OSBPL1A: variants seen among roughly 807,000 people sequenced by gnomAD.
OSBPL1A encodes oxysterol-binding protein-related protein 1.
A neutral mutation model predicts 137.1 loss-of-function variants in OSBPL1A; 80 were observed. The observed-to-expected ratio is 0.58, with a 90% CI of 0.49 to 0.70. OSBPL1A has a LOEUF of 0.70. Ranked by LOEUF, OSBPL1A falls within the 30% of genes least tolerant of loss-of-function variation. OSBPL1A has a pLI of 0.00. For synonymous variants in OSBPL1A, 365 were observed against 389.7 expected (o/e 0.94, Z 0.75); for missense variants, 970 against 1,129.4 (o/e 0.86, Z 2.02).
intron 14 of OSBPL1A, among the ~76,000 whole-genome samples, chr18:24,297,201 G>GT (rs544787607): frequency 6.6e-6 from 1 of 151,958 alleles, no homozygotes; most frequent in South Asian, 2.1e-4. Flanking sequence ...CAGGGTTTCT[G>GT]TTTTTTCCTG....
intron 23 of OSBPL1A, among the ~76,000 whole-genome samples, chr18:24,171,033 A>AT (rs1369618228): frequency 6.7e-6 from 1 of 149,832 alleles, no homozygotes; most frequent in South Asian, 2.1e-4. Flanking sequence ...GGTTATGGCA[A>AT]TTTTTTTTGT....
chr18:24,179,562 T>A (rs2086543201), intron 20 of OSBPL1A, among the ~76,000 whole-genome samples, 176 bp downstream of exon 20: 1 of 152,220 alleles, frequency 6.6e-6, no homozygotes, highest in Non-Finnish European at 1.5e-5. Flanking sequence ...ATGGTACCTT[T>A]TATATATGTT....
chr18:24,251,699 G>A (rs936068031), intron 15 of OSBPL1A, among the ~76,000 whole-genome samples: 7 of 152,152 alleles, frequency 4.6e-5, no homozygotes, highest in African/African-American at 1.7e-4. Context: ...GGTCATCCAG[G>A]AAAACATGAC....
chr18:24,312,917 T>C (rs12709784), intron 12 of OSBPL1A, among the ~76,000 whole-genome samples: 38,332 of 145,336 alleles, frequency 0.26, 5,430 homozygotes, highest in African/African-American at 0.4. Flanking sequence ...GGGCGGATCA[T>C]GTTCGAGACC....
intron 1 of OSBPL1A, among the ~76,000 whole-genome samples, chr18:24,392,328 T>C (rs1004991893): frequency 6.6e-6 from 1 of 152,016 alleles, no homozygotes; most frequent in Non-Finnish European, 1.5e-5. Flanking sequence ...GCCTGGCTAT[T>C]TTATATTTTT....
intron 21 of OSBPL1A, among the ~76,000 whole-genome samples, 156 bp from the exon 22 acceptor site, chr18:24,172,639 C>A (rs2086318557): frequency 6.6e-6 from 1 of 152,076 alleles, no homozygotes; most frequent in Non-Finnish European, 1.5e-5. Context: ...GTTAACTCAC[C>A]ATAAAATTGG....
chr18:24,275,196 C>A (rs1414912505), intron 15 of OSBPL1A, among the ~76,000 whole-genome samples: 1 of 152,036 alleles, frequency 6.6e-6, no homozygotes, highest in Non-Finnish European at 1.5e-5. Context: ...GGGAGATAGA[C>A]AAAAGCTATA....
At chr18:24,169,969 C>T (rs1487468873) in intron 24 of OSBPL1A, among the ~76,000 whole-genome samples, 1 of 152,138 alleles carries the variant, frequency 6.6e-6, no homozygotes, top group African/African-American at 2.4e-5. Context: ...GTCAGAGAGA[C>T]TTTTGGAGGA....
chr18:24,221,387 A>T (rs1183505782), intron 17 of OSBPL1A, among the ~76,000 whole-genome samples: 1 of 152,184 alleles, frequency 6.6e-6, no homozygotes, highest in Non-Finnish European at 1.5e-5. Flanking sequence ...CTAATCTACC[A>T]CTTCAGCAAA....
At chr18:24,372,573 T>G (rs1905741845) in intron 2 of OSBPL1A, among the ~76,000 whole-genome samples, 1 of 152,146 alleles carries the variant, frequency 6.6e-6, no homozygotes, top group Non-Finnish European at 1.5e-5. Flanking sequence ...CCTTCCTGCT[T>G]TCTCCTTTTC....
At chr18:24,256,038 G>A (rs1002987448) in intron 15 of OSBPL1A, among the ~76,000 whole-genome samples, 15 of 151,988 alleles carry the variant, frequency 9.9e-5, no homozygotes, top group South Asian at 4.2e-4. Context: ...CAAGTGACCC[G>A]CCCGCCTCAG....
chr18:24,205,904 G>A (rs769936924), intron 17 of OSBPL1A, among the ~76,000 whole-genome samples: 5 of 152,130 alleles, frequency 3.3e-5, no homozygotes. Context: ...TATTGTTGTT[G>A]TTTTGAGACA....
chr18:24,177,000 T>A (rs1231906642), intron 21 of OSBPL1A, among the ~76,000 whole-genome samples: 6 of 152,214 alleles, frequency 3.9e-5, no homozygotes, highest in African/African-American at 1.4e-4. Flanking sequence ...CTCTGTCTTG[T>A]ATCTCCCACA....
At chr18:24,264,802 T>C (rs1303081687) in intron 15 of OSBPL1A, among the ~76,000 whole-genome samples, 2 of 152,190 alleles carry the variant, frequency 1.3e-5, no homozygotes, top group African/African-American at 4.8e-5. Flanking sequence ...TATGATATAG[T>C]TGGGCTGTTC....
At chr18:24,374,178 C>G (rs1413292048) in intron 2 of OSBPL1A, among the ~76,000 whole-genome samples, 1 of 152,040 alleles carries the variant, frequency 6.6e-6, no homozygotes, top group Non-Finnish European at 1.5e-5. Flanking sequence ...AGATCATTCT[C>G]CATAACAAAG....
At chr18:24,289,507 C>CGATGGGG (rs2090137862) in intron 14 of OSBPL1A, among the ~76,000 whole-genome samples, 1 of 151,220 alleles carries the variant, frequency 6.6e-6, no homozygotes, top group South Asian at 2.1e-4. Context: ...CTGTAACCCC[C>CGATGGGG]ACCTCCCGGG....
At chr18:24,310,512 G>C (rs1321623326) in intron 13 of OSBPL1A, among the ~76,000 whole-genome samples, 1 of 148,200 alleles carries the variant, frequency 6.7e-6, no homozygotes, top group Admixed American at 6.8e-5. Context: ...TGAGGCAGGG[G>C]AATGGCGTGA....
chr18:24,339,839 A>G (rs1385245837), intron 5 of OSBPL1A, among the ~76,000 whole-genome samples: 4 of 152,334 alleles, frequency 2.6e-5, no homozygotes. Flanking sequence ...GAGTGCAGAA[A>G]CAAGACACTG....
intron 14 of OSBPL1A, among the ~76,000 whole-genome samples, chr18:24,301,123 T>C (rs1479050939): frequency 6.6e-6 from 1 of 152,250 alleles, no homozygotes; most frequent in Non-Finnish European, 1.5e-5. Flanking sequence ...AACCCTATTA[T>C]TACTTATGTA....
Sources: allele counts gnomAD v4.1 joint callset (sites outside exome capture counted in the v4.1 genomes callset), GRCh38; gene constraint gnomAD v4.1.1; transcripts MANE v1.5; gene names NCBI Gene and HGNC (gene_info 2026-07-23, HGNC 2026-07-21).